Variants in TMEM245 observed in about 807,000 individuals in gnomAD.
TMEM245 encodes protein CG-2.
Under a neutral mutation model 101.2 loss-of-function variants are expected in TMEM245, and 69 were observed. That is an observed-to-expected ratio of 0.68 (90% confidence interval 0.56 to 0.83). The LOEUF is 0.83. TMEM245 is among the 40% of genes least tolerant of loss of function. The probability of loss-of-function intolerance (pLI) is 0.00; values close to 1 mark genes in which losing one functional copy is unlikely to be tolerated. For missense variants in TMEM245, 1,075 were observed against 1,092.8 expected, an observed-to-expected ratio of 0.98 and a Z score of 0.23; for synonymous variants, 537 against 449.8, an observed-to-expected ratio of 1.19 and a Z score of -2.45.
chr9:109,114,032 C>T (rs1297999638), intron 1 of TMEM245, among the ~76,000 whole-genome samples: 3 of 152,058 alleles, frequency 2.0e-5, no homozygotes, highest in Admixed American at 6.6e-5. Context: ...GCCGAGAACG[C>T]GCCATTGCAC....
intron 17 of TMEM245, among the ~76,000 whole-genome samples, chr9:109,029,643 A>T (rs1253208506): frequency 6.6e-6 from 1 of 152,222 alleles, no homozygotes; most frequent in East Asian, 1.9e-4. Flanking sequence ...GTGCTCCACC[A>T]AAAAGGAAGA....
At position 109,093,541 on chromosome 9, in the gene TMEM245, T is replaced by G; in HGVS notation, c.850A>C (p.Asn284His). Residue 284 changes from asparagine (N) to histidine (H), a missense_variant, in exon 4 of 18, where the codon AAC becomes CAC. Asn to His is a moderately conservative substitution (Grantham distance 68, BLOSUM62 1). This residue lies in a region of TMEM245 where 808 missense variants were observed against 741.5 expected (regional missense o/e 1.09). Transcript: ENST00000374586. The stretch of plus-strand genomic sequence containing the variant: ...TACCCTGTGATAGAGATGGCCAAGT[T>G]TGCCAGAGTAGAAGCTGCCATGGAG... ...VISMAASTLA[N>H]LAISITGYES... 1 of 1,614,114 alleles carries G rather than the reference T, an allele frequency of 6.2e-7. No individual in the cohort carries two copies. The highest frequency in any genetic ancestry group is 8.5e-7 in the Non-Finnish European group (1 of 1,180,002).
chr9:109,112,541 CAAAA>C (rs533252943), intron 1 of TMEM245, among the ~76,000 whole-genome samples: 1 of 106,610 alleles, frequency 9.4e-6, no homozygotes. Flanking sequence ...AACTCCATCT[CAAAA>C]AAAAAAAAAA....
At chr9:109,027,529 G>A (rs1440229461) in intron 17 of TMEM245, among the ~76,000 whole-genome samples, 1 of 150,532 alleles carries the variant, frequency 6.6e-6, no homozygotes, top group Non-Finnish European at 1.5e-5. Context: ...CTCTAGCCAG[G>A]AGATTAGAAG....
In TMEM245 at chr9:109,108,555, C is replaced by T; in HGVS notation, c.595G>A (p.Val199Ile). The T allele has an allele frequency of 6.2e-7, 1 of 1,602,016 alleles. No individual in the cohort carries two copies. The highest frequency in any genetic ancestry group is 8.5e-7 in the Non-Finnish European group (1 of 1,175,630). ...AATGAAACAGTCAACACATAGCCAA[C>T]CACCAACGTCCAGATCTTAAATAAA... ...FSSLWIWTLV[V>I]GYVLTVSFKW... The change falls in exon 2 of 18, where the codon GTT (valine) becomes ATT (isoleucine). Residue 199 changes from valine (V) to isoleucine (I), a missense_variant. Val to Ile is a conservative substitution (Grantham distance 29). Transcript: ENST00000374586.
At chr9:109,101,261 A>G (rs1043311041) in intron 3 of TMEM245, among the ~76,000 whole-genome samples, 1 of 152,244 alleles carries the variant, frequency 6.6e-6, no homozygotes, top group African/African-American at 2.4e-5. Flanking sequence ...AGCTCAGAAG[A>G]CATAGAGAAA....
intron 3 of TMEM245, among the ~76,000 whole-genome samples, chr9:109,104,178 ATAAC>A (rs1252484318): frequency 3.3e-5 from 5 of 152,316 alleles, no homozygotes; most frequent in Middle Eastern, 6.8e-3. Context: ...ATATTTTAAA[ATAAC>A]TAAGAGTATA....
chr9:109,023,293 G>A (rs1827687990), intron 17 of TMEM245, among the ~76,000 whole-genome samples: 1 of 152,116 alleles, frequency 6.6e-6, no homozygotes, highest in Non-Finnish European at 1.5e-5. Flanking sequence ...TTATCTCCAG[G>A]AAAACAATAT....
chr9:109,087,855 T>C (rs1471789307), intron 5 of TMEM245, among the ~76,000 whole-genome samples: 1 of 152,232 alleles, frequency 6.6e-6, no homozygotes, highest in Non-Finnish European at 1.5e-5. Context: ...GTTGTTCCTA[T>C]TTCCCCATTT....
chr9:109,100,865 A>G (rs1024933382), intron 3 of TMEM245, among the ~76,000 whole-genome samples: 2 of 152,252 alleles, frequency 1.3e-5, no homozygotes, highest in African/African-American at 2.4e-5. Context: ...AGGCACTTAA[A>G]TATTTTTCCC....
chr9:109,117,611 C>CA (rs1186805432), intron 1 of TMEM245, among the ~76,000 whole-genome samples: 4 of 152,172 alleles, frequency 2.6e-5, no homozygotes, highest in African/African-American at 4.8e-5. Context: ...TACAAGTGCT[C>CA]AACTCTTTCC....
chr9:109,051,292 C>T (rs548126977), intron 12 of TMEM245, among the ~76,000 whole-genome samples: 71 of 87,504 alleles, frequency 8.1e-4, no homozygotes, highest in African/African-American at 3.9e-3. Flanking sequence ...AACTCTGTCT[C>T]AAAACACACA....
At chr9:109,087,782 T>G (rs907913432) in intron 5 of TMEM245, among the ~76,000 whole-genome samples, 1 of 152,232 alleles carries the variant, frequency 6.6e-6, no homozygotes, top group Non-Finnish European at 1.5e-5. Flanking sequence ...GCTCGTTATT[T>G]AGTGACCAGA....
intron 6 of TMEM245, among the ~76,000 whole-genome samples, chr9:109,086,525 G>A (rs1468069543): frequency 1.3e-5 from 2 of 152,148 alleles, no homozygotes; most frequent in Admixed American, 6.5e-5. Flanking sequence ...AGAGCTCACT[G>A]TGTACCAGGC....
chr9:109,031,211 T>C lies in TMEM245; in HGVS notation c.2594+2096A>G, dbSNP rs556096059. On this transcript the variant is annotated intron_variant, in intron 17 of 17. Transcript: ENST00000374586. ...GATGTATAACCAGACATTCCTCTTT[T>C]AGGTATATGTCCAACTACAGTAAGT... Among the ~76,000 whole-genome samples the C allele has an allele frequency of 1.1e-4, 16 of 152,348 alleles. No individual in the cohort carries two copies. In the South Asian group the frequency reaches 3.3e-3, roughly 32 times the overall value.
Position 109,020,148 on chromosome 9 carries a change from A to G in TMEM245, c.*312T>C. Reference sequence around the variant, plus strand: ...TAACTTTATAAATATATAATATAGTAACATAGATAACCAAAGTGGAAAAAT... The same window carrying G: ...TAACTTTATAAATATATAATATAGTGACATAGATAACCAAAGTGGAAAAAT... On this transcript the variant is annotated 3_prime_UTR_variant, in exon 18 of 18. Coordinates refer to ENST00000374586, the MANE Select transcript of TMEM245 (RefSeq NM_032012.4). 3.5e-6 allele frequency: 1 copy of G among 283,278 alleles called. No homozygotes were observed. The highest frequency in any genetic ancestry group is 4.6e-5 in the South Asian group (1 of 21,652). 17.5% of individuals were successfully genotyped at this position (283,278 alleles called of 1,614,324 possible). A position where few individuals can be genotyped will look rare whatever the true frequency, so the allele number is the denominator to read the frequency against.
chr9:109,063,113 C>CT (rs1476213562), intron 10 of TMEM245, among the ~76,000 whole-genome samples: 1 of 152,020 alleles, frequency 6.6e-6, no homozygotes, highest in Non-Finnish European at 1.5e-5. Context: ...GGTAAACAAG[C>CT]TCATCTAATT....
chr9:109,092,125 T>C (rs1161973901), intron 4 of TMEM245, among the ~76,000 whole-genome samples: 4 of 152,204 alleles, frequency 2.6e-5, no homozygotes, highest in African/African-American at 7.2e-5. Flanking sequence ...TCTCATTCTT[T>C]CTCTTCAGTT....
At chr9:109,026,616 C>T (rs1827798166) in intron 17 of TMEM245, among the ~76,000 whole-genome samples, 1 of 150,888 alleles carries the variant, frequency 6.6e-6, no homozygotes, top group Admixed American at 6.6e-5. Context: ...GCAACAAATT[C>T]TAAGAAGGTG....
Sources: gnomAD v4.1 joint callset for allele counts (sites outside exome capture counted in the v4.1 genomes callset) on GRCh38, gnomAD v4.1.1 for gene constraint, gnomAD v4.1.1 regional missense constraint, MANE v1.5 for transcripts, NCBI Gene and HGNC (gene_info 2026-07-23, HGNC 2026-07-21) for gene names.